The following UST variants were observed in gnomAD, a reference collection of about 807,000 sequenced individuals.
The protein encoded by UST is uronyl 2-sulfotransferase.
In UST, 21 loss-of-function variants were observed where a neutral mutation model predicts 45.6. The ratio of observed to expected loss-of-function variants is 0.46; its 90% CI spans 0.33 to 0.66. The LOEUF (loss-of-function observed/expected upper bound fraction) is 0.66, where lower values mean the gene tolerates loss of function less well. UST is among the 30% of genes least tolerant of loss of function. The pLI is 0.02. For synonymous variants in UST, 215 were observed against 200.6 expected (o/e 1.07, Z -0.61); for missense variants, 463 against 512.4 (o/e 0.90, Z 0.93).
intron 5 of UST, among the ~76,000 whole-genome samples, chr6:149,015,913 C>T (rs1351864997): frequency 1.3e-5 from 2 of 152,188 alleles, no homozygotes; most frequent in Non-Finnish European, 2.9e-5. Context: ...CTGAAGGTCT[C>T]GGTTCTGCTA....
Position 148,759,322 on chromosome 6 carries a change from G to A in UST, c.247+11645G>A, listed in dbSNP as rs567584020. 2.5e-3 allele frequency among the ~76,000 whole-genome samples: 387 copies of A among 152,002 alleles called. 1 individual carries two copies. The highest frequency in any genetic ancestry group is 8.9e-3 in the African/African-American group (368 of 41,432). On this transcript the variant is annotated intron_variant, in intron 1 of 7. Coordinates refer to ENST00000367463, the MANE Select transcript of UST (RefSeq NM_005715.3). ...GGGTGGATCACGAGGTCAGGAGATCGAGACCATCCTGGCTAACATGGTGAA... is the reference window on the plus strand; with the variant it reads ...GGGTGGATCACGAGGTCAGGAGATCAAGACCATCCTGGCTAACATGGTGAA...
chr6:148,853,748 G>A (rs1476454378), intron 1 of UST, among the ~76,000 whole-genome samples: 2 of 152,124 alleles, frequency 1.3e-5, no homozygotes, highest in African/African-American at 2.4e-5. Context: ...TTGGTTGGCC[G>A]CATGTATGTC....
intron 1 of UST, among the ~76,000 whole-genome samples, chr6:148,869,720 A>G (rs1376340033): frequency 6.6e-6 from 1 of 152,190 alleles, no homozygotes; most frequent in African/African-American, 2.4e-5. Flanking sequence ...CATGCATGTC[A>G]TTTTAATGCA....
intron 7 of UST, among the ~76,000 whole-genome samples, chr6:149,035,821 C>T (rs1488025161): frequency 6.6e-6 from 1 of 151,920 alleles, no homozygotes; most frequent in African/African-American, 2.4e-5. Context: ...GAAGGAGGCT[C>T]ATTGACCAGT....
chr6:148,760,267 G>T (rs1049721399), intron 1 of UST, among the ~76,000 whole-genome samples: 4 of 152,200 alleles, frequency 2.6e-5, no homozygotes, highest in Non-Finnish European at 4.4e-5. Context: ...AAGAAGCAGA[G>T]TAAGACATGG....
At chr6:148,913,421 A>ATATTTTTTT (rs767723701) in intron 2 of UST, among the ~76,000 whole-genome samples, 1 of 66,218 alleles carries the variant, frequency 1.5e-5, no homozygotes, top group African/African-American at 6.1e-5. Flanking sequence ...GGGACCAAAA[A>ATATTTTTTT]TCTTTTTTTT....
chr6:148,844,535 GA>G (rs1188454798), intron 1 of UST, among the ~76,000 whole-genome samples: 1 of 152,202 alleles, frequency 6.6e-6, no homozygotes, highest in African/African-American at 2.4e-5. Context: ...CCACTGATCA[GA>G]AAGTTACCTC....
chr6:148,776,907 T>G (rs1384210545), intron 1 of UST, among the ~76,000 whole-genome samples: 2 of 152,188 alleles, frequency 1.3e-5, no homozygotes, highest in African/African-American at 4.8e-5. Context: ...GGGTGCACTC[T>G]TGGGTCTGTT....
intron 1 of UST, among the ~76,000 whole-genome samples, chr6:148,761,688 T>G (rs1455532991): frequency 1.3e-5 from 2 of 152,200 alleles, no homozygotes; most frequent in African/African-American, 4.8e-5. Context: ...CTGGCCACAC[T>G]CACCCCTGCA....
intron 1 of UST, among the ~76,000 whole-genome samples, chr6:148,772,251 T>C (rs1455593896): frequency 2.0e-5 from 3 of 152,170 alleles, no homozygotes; most frequent in African/African-American, 4.8e-5. Flanking sequence ...AGGAACAGGA[T>C]AGCAGTCAGT....
chr6:149,066,737 C>T (rs1263141646), intron 7 of UST, among the ~76,000 whole-genome samples: 1 of 152,052 alleles, frequency 6.6e-6, no homozygotes, highest in Admixed American at 6.5e-5. Context: ...TGAAAATGAA[C>T]TTACAATAGG....
chr6:149,054,697 T>G (rs1776537080), intron 7 of UST, among the ~76,000 whole-genome samples: 1 of 152,192 alleles, frequency 6.6e-6, no homozygotes, highest in Non-Finnish European at 1.5e-5. Flanking sequence ...ATTAGAAGCC[T>G]TTGGCAAAAG....
chr6:148,817,277 A>T (rs775474441), intron 1 of UST, among the ~76,000 whole-genome samples: 3 of 152,214 alleles, frequency 2.0e-5, no homozygotes, highest in African/African-American at 7.2e-5. Context: ...CCCTTCTTTT[A>T]TTTTTGTAAA....
intron 1 of UST, among the ~76,000 whole-genome samples, chr6:148,870,104 TCACACA>T (rs60229120): frequency 0.047 from 6,683 of 141,480 alleles, 160 homozygotes; most frequent in Middle Eastern, 0.1. Context: ...TGGTAATGTT[TCACACA>T]CACACACACA....
rs558663757 is a variant in UST, at chr6:148,884,888, G to A, written c.248-2098G>A. Among the ~76,000 whole-genome samples the A allele has an allele frequency of 3.2e-4, 49 of 152,292 alleles. No homozygotes were observed. The South Asian group carries it at 5.2e-3, about 16-fold the overall frequency. ...ACCTATAGCATAGGGGAAAAACATGGATCAAGAATGACTCTTGGGCTTTGG... is the reference window on the plus strand; with the variant it reads ...ACCTATAGCATAGGGGAAAAACATGAATCAAGAATGACTCTTGGGCTTTGG... On this transcript the variant is annotated intron_variant, in intron 1 of 7. Transcript: ENST00000367463.
At chr6:149,042,954 CT>C (rs111918800) in intron 7 of UST, among the ~76,000 whole-genome samples, 1 of 104,596 alleles carries the variant, frequency 9.6e-6, no homozygotes, top group Non-Finnish European at 2.1e-5. Context: ...CATCACCATC[CT>C]TTTCTTTCTT....
intron 5 of UST, among the ~76,000 whole-genome samples, chr6:149,010,963 G>A (rs1775800431): frequency 6.9e-6 from 1 of 144,372 alleles, no homozygotes; most frequent in South Asian, 2.2e-4. Flanking sequence ...ATAGAAACTG[G>A]AAACTCACAC....
intron 5 of UST, among the ~76,000 whole-genome samples, chr6:148,965,052 C>G (rs1044897449): frequency 6.6e-6 from 1 of 152,136 alleles, no homozygotes; most frequent in Non-Finnish European, 1.5e-5. Context: ...GGCGCAACTG[C>G]GACCGACTGT....
At chr6:148,797,097 C>T (rs1193223845) in intron 1 of UST, among the ~76,000 whole-genome samples, 2 of 152,082 alleles carry the variant, frequency 1.3e-5, no homozygotes, top group Non-Finnish European at 2.9e-5. Flanking sequence ...CCAACCTTCT[C>T]CGATAATTCT....
Sources: gnomAD v4.1 joint callset for allele counts (sites outside exome capture counted in the v4.1 genomes callset) on GRCh38, gnomAD v4.1.1 for gene constraint, MANE v1.5 for transcripts, NCBI Gene and HGNC (gene_info 2026-07-23, HGNC 2026-07-21) for gene names.